MYZAP: variants seen among roughly 807,000 people sequenced by gnomAD.
MYZAP encodes the protein GRINL1A complex locus upstream.
In MYZAP, 66 loss-of-function variants were observed where a neutral mutation model predicts 69.4. That is an observed-to-expected ratio of 0.95 (90% CI 0.78 to 1.17). The LOEUF is 1.17. MYZAP is among the 50% of genes most tolerant of loss of function. MYZAP has a pLI of 0.00. For synonymous variants in MYZAP, 256 were observed against 205.9 expected (o/e 1.24, Z -2.09); for missense variants, 611 against 556.2 (o/e 1.10, Z -0.99).
At chr15:57,649,764 T>C (rs763618481) in intron 10 of MYZAP, among the ~76,000 whole-genome samples, 13 of 152,222 alleles carry the variant, frequency 8.5e-5, no homozygotes, top group Non-Finnish European at 1.6e-4. Flanking sequence ...GTTTCTGTAA[T>C]AGTTTTGCAG....
chr15:57,622,168 T>TAC (rs1193440583), intron 4 of MYZAP, among the ~76,000 whole-genome samples: 1 of 151,882 alleles, frequency 6.6e-6, no homozygotes, highest in Non-Finnish European at 1.5e-5. Flanking sequence ...TAAAATTTTA[T>TAC]ACACACACAC....
rs754331012 is a variant in MYZAP at position 57,684,432 on chromosome 15, G to T, written c.1335G>T (p.Met445Ile). Residue 445 changes from methionine (M) to isoleucine (I), a missense_variant, in exon 13 of 13, where the codon ATG (methionine) becomes ATT (isoleucine). Transcript: ENST00000267853. ...CAGGCAGGACTCGTGAAATTGTGAT[G>T]CCTTCTAGGAACTACACCCCATACA... The part of the protein sequence containing the change: ...SQTGRTREIV[M>I]PSRNYTPYTR... 1.7e-5 allele frequency: 27 copies of T among 1,613,024 alleles called. No homozygotes were observed. The South Asian group carries it at 2.9e-4, about 17-fold the overall frequency.
At chr15:57,672,925 G>T (rs554102651) in intron 11 of MYZAP, among the ~76,000 whole-genome samples, 1 of 148,350 alleles carries the variant, frequency 6.7e-6, no homozygotes, top group South Asian at 2.1e-4. Flanking sequence ...TTAGCACATC[G>T]TTCTATTATT....
At chr15:57,621,536 C>G in intron 3 of MYZAP, 72 bp from the exon 4 acceptor site, 1 of 1,559,526 alleles carries the variant, frequency 6.4e-7, no homozygotes, top group Non-Finnish European at 8.7e-7. Context: ...TTTAGAGTTT[C>G]TTAAAAGTTT....
chr15:57,668,113 A>G (rs1378421351), intron 11 of MYZAP, among the ~76,000 whole-genome samples: 3 of 152,166 alleles, frequency 2.0e-5, no homozygotes, highest in Non-Finnish European at 4.4e-5. Context: ...GGCGCATCTA[A>G]GTTGTATGCA....
intron 2 of MYZAP, among the ~76,000 whole-genome samples, chr15:57,614,448 A>G (rs1454020602): frequency 6.6e-6 from 1 of 152,150 alleles, no homozygotes; most frequent in Non-Finnish European, 1.5e-5. Context: ...AACCGAGAAG[A>G]CCTCAGGGGT....
intron 2 of MYZAP, among the ~76,000 whole-genome samples, chr15:57,610,391 C>CGGGCTGTT (rs2035028651): frequency 6.6e-6 from 1 of 152,176 alleles, no homozygotes; most frequent in Non-Finnish European, 1.5e-5. Flanking sequence ...TACAACCTCG[C>CGGGCTGTT]GGGCTGTTGC....
At chr15:57,625,653 A>T in intron 4 of MYZAP, 126 bp from the exon 5 acceptor site, 1 of 827,502 alleles carries the variant, frequency 1.2e-6, no homozygotes, top group Non-Finnish European at 2.0e-6. Flanking sequence ...CTTTTAATTT[A>T]AAGCTTTACT....
chr15:57,632,186 T>G (rs2036545365), intron 6 of MYZAP, among the ~76,000 whole-genome samples: 1 of 152,210 alleles, frequency 6.6e-6, no homozygotes, highest in Admixed American at 6.5e-5. Context: ...AAAAAGTCAC[T>G]CATGTGGAGC....
chr15:57,603,984 A>G (rs541864950), intron 1 of MYZAP, among the ~76,000 whole-genome samples: 1 of 152,190 alleles, frequency 6.6e-6, no homozygotes, highest in East Asian at 1.9e-4. Context: ...TTCTATACAT[A>G]TTCTTATGGA....
At chr15:57,646,208 C>G in intron 10 of MYZAP, 4 of 1,289,344 alleles carry the variant, frequency 3.1e-6, no homozygotes, top group African/African-American at 3.0e-5. Flanking sequence ...GTAGCCTGCT[C>G]TGGGTTGGAA....
chr15:57,592,094 G>C lies in MYZAP; in HGVS notation c.60G>C (p.Gly20=). 1 of 1,370,796 alleles carries C rather than the reference G, an allele frequency of 7.3e-7. No individual in the cohort carries two copies. The highest frequency in any genetic ancestry group is 9.4e-7 in the Non-Finnish European group (1 of 1,066,850). 84.9% of individuals were successfully genotyped at this position (1,370,796 alleles called of 1,614,324 possible). The change falls in exon 1 of 13, where the codon GGG becomes GGC. Residue 20 remains glycine (G), a synonymous_variant. Coordinates refer to ENST00000267853, the MANE Select transcript of MYZAP (RefSeq NM_001018100.5). ...LLSGGAARTP[G]APSRRANVCR... ...CGGGCGGCGCCGCCAGGACGCCCGGGGCGCCCAGCAGGAGGGTGAGTAGCG... is the reference window on the plus strand; with the variant it reads ...CGGGCGGCGCCGCCAGGACGCCCGGCGCGCCCAGCAGGAGGGTGAGTAGCG...
chr15:57,639,666 C>T (rs368803532), intron 10 of MYZAP, 121 bp downstream of exon 10: 11 of 1,106,038 alleles, frequency 9.9e-6, no homozygotes, highest in African/African-American at 7.8e-5. Context: ...GCTCAGGCCA[C>T]TGCCATCTAG....
Position 57,592,080 on chromosome 15 carries a change from G to T in MYZAP, c.46G>T (p.Ala16Ser). The change falls in exon 1 of 13, where the codon GCC becomes TCC. Residue 16 changes from alanine to serine, a missense_variant. Physicochemically the swap from Ala to Ser is moderately conservative, Grantham distance 99. Transcript: ENST00000267853. ...STVTLLSGGA[A>S]RTPGAPSRRA... ...GGTCACCCTGCTCTCGGGCGGCGCCGCCAGGACGCCCGGGGCGCCCAGCAG... is the reference window on the plus strand; with the variant it reads ...GGTCACCCTGCTCTCGGGCGGCGCCTCCAGGACGCCCGGGGCGCCCAGCAG... 2 of 1,378,994 alleles carry T rather than the reference G, an allele frequency of 1.5e-6. No homozygotes were observed. The highest frequency in any genetic ancestry group is 1.5e-5 in the African/African-American group (1 of 66,006). 85.4% of individuals were successfully genotyped at this position (1,378,994 alleles called of 1,614,324 possible). A position where few individuals can be genotyped will look rare whatever the true frequency, so the allele number is the denominator to read the frequency against.
intron 6 of MYZAP, among the ~76,000 whole-genome samples, chr15:57,631,441 C>T (rs1463757529): frequency 2.1e-5 from 3 of 145,540 alleles, no homozygotes; most frequent in Non-Finnish European, 3.0e-5. Context: ...TCTCCTACTC[C>T]TCCTATTTTA....
chr15:57,683,800 CT>C (rs1364313938), intron 12 of MYZAP, among the ~76,000 whole-genome samples: 51 of 146,196 alleles, frequency 3.5e-4, no homozygotes, highest in Middle Eastern at 3.5e-3. Flanking sequence ...TGGGGCCTCT[CT>C]TTTTTTTTTT....
At chr15:57,615,619 A>C (rs996899806) in intron 2 of MYZAP, among the ~76,000 whole-genome samples, 3 of 152,234 alleles carry the variant, frequency 2.0e-5, no homozygotes, top group Non-Finnish European at 4.4e-5. Flanking sequence ...TGTGACTGAA[A>C]GATCTTGCTT....
At chr15:57,628,474 G>A (rs1462173738) in intron 5 of MYZAP, among the ~76,000 whole-genome samples, 1 of 151,886 alleles carries the variant, frequency 6.6e-6, no homozygotes, top group Admixed American at 6.6e-5. Context: ...GGCTAGTCTT[G>A]AACTCCAGGC....
rs377611892 is a variant in MYZAP, at chr15:57,643,335, C to T, written c.1119+3790C>T. 1.7e-3 allele frequency among the ~76,000 whole-genome samples: 266 copies of T among 152,274 alleles called. 1 individual carries two copies. The highest frequency in any genetic ancestry group is 2.7e-3 in the Non-Finnish European group (184 of 68,024). On this transcript the variant is annotated intron_variant, in intron 10 of 12. Coordinates refer to ENST00000267853, the MANE Select transcript of MYZAP (RefSeq NM_001018100.5). ...CTTACCCACTGGTGTCACCCGAGTT[C>T]CAGGGTAGTCTTGCCTTTGGGTTTT...
Sources: gnomAD v4.1 joint callset for allele counts (sites outside exome capture counted in the v4.1 genomes callset) on GRCh38, gnomAD v4.1.1 for gene constraint, MANE v1.5 for transcripts, NCBI Gene and HGNC (gene_info 2026-07-23, HGNC 2026-07-21) for gene names.